LMBRD2: variants seen among roughly 807,000 people sequenced by gnomAD.
LMBRD2 encodes G protein-coupled receptor-associated protein LMBRD2.
Under a neutral mutation model 94.4 loss-of-function variants are expected in LMBRD2, and 55 were observed. That is an observed-to-expected ratio of 0.58 (90% CI 0.47 to 0.73). The LOEUF (loss-of-function observed/expected upper bound fraction) is 0.73, where lower values mean the gene tolerates loss of function less well. LMBRD2 is among the 30% of genes least tolerant of loss of function. The pLI is 0.00. For synonymous variants in LMBRD2, 246 were observed against 272.4 expected, an observed-to-expected ratio of 0.90 and a Z score of 0.95; for missense variants, 640 against 831.9, an observed-to-expected ratio of 0.77 and a Z score of 2.84.
chr5:36,146,541 A>T lies in LMBRD2; in HGVS notation c.-57-3135T>A, dbSNP rs539473246. ...CACACCACCACGCCTGGCTAATTTT[A>T]AAAAAAAATTTTTTTTGTAGAGACA... On this transcript the variant is annotated intron_variant, in intron 1 of 17. Coordinates refer to ENST00000296603, the MANE Select transcript of LMBRD2 (RefSeq NM_001007527.2). Among the ~76,000 whole-genome samples, 1,008 of 151,472 alleles carry T rather than the reference A, an allele frequency of 6.7e-3. 7 individuals are homozygous for T. The highest frequency in any genetic ancestry group is 5.5e-3 in the Non-Finnish European group (371 of 67,908).
rs1239579028 is a variant in LMBRD2, at chr5:36,102,938, C to A, written c.*1108G>T. 4.0e-5 allele frequency: 6 copies of A among 151,790 alleles called. No homozygotes were observed. The highest frequency in any genetic ancestry group is 8.9e-5 in the Non-Finnish European group (6 of 67,778). 9.4% of individuals were successfully genotyped at this position (151,790 alleles called of 1,614,324 possible). ...AGCATGCTGCAATCAAACATGTTCA[C>A]TTTTCAATAAAACACTAGTGCTTTA... On this transcript the variant is annotated 3_prime_UTR_variant, in exon 18 of 18. Transcript: ENST00000296603.
chr5:36,142,716 C>A, intron 2 of LMBRD2, 117 bp from the exon 3 acceptor site: 8 of 393,362 alleles, frequency 2.0e-5, no homozygotes, highest in Non-Finnish European at 3.2e-5. Context: ...ATGCTTTATT[C>A]TTTTTTTTTT....
intron 6 of LMBRD2, among the ~76,000 whole-genome samples, chr5:36,129,130 A>G (rs1744076188): frequency 6.6e-6 from 1 of 152,188 alleles, no homozygotes; most frequent in African/African-American, 2.4e-5. Context: ...TCAAAAGGGC[A>G]AATCTAAGAG....
chr5:36,139,799 G>A (rs1345974944), intron 4 of LMBRD2, among the ~76,000 whole-genome samples: 2 of 152,164 alleles, frequency 1.3e-5, no homozygotes, highest in Non-Finnish European at 1.5e-5. Flanking sequence ...CCTGCCTGCA[G>A]AAAGGAGCTA....
chr5:36,134,318 C>CATTCATTT (rs893553220), intron 6 of LMBRD2, among the ~76,000 whole-genome samples: 1 of 152,066 alleles, frequency 6.6e-6, no homozygotes, highest in Non-Finnish European at 1.5e-5. Context: ...TCACAGTATA[C>CATTCATTT]ATTCATTTAT....
In LMBRD2 at chr5:36,101,494, C is replaced by T. The variant is rs1202165355; in HGVS notation, c.*2552G>A. On this transcript the variant is annotated 3_prime_UTR_variant, in exon 18 of 18. Transcript: ENST00000296603. Reference sequence around the variant, plus strand: ...TGTAAAGTATATGTATTTAGTAGTCCTATTTTGCAGTAGATGTCATTATAT... The same window carrying T: ...TGTAAAGTATATGTATTTAGTAGTCTTATTTTGCAGTAGATGTCATTATAT... 3 of 151,718 alleles carry T rather than the reference C, an allele frequency of 2.0e-5. No individual in the cohort carries two copies. The highest frequency in any genetic ancestry group is 2.4e-5 in the African/African-American group (1 of 41,376). 9.4% of individuals were successfully genotyped at this position (151,718 alleles called of 1,614,324 possible).
chr5:36,144,312 TTTTG>T (rs1445765984), intron 1 of LMBRD2, among the ~76,000 whole-genome samples: 2 of 152,214 alleles, frequency 1.3e-5, no homozygotes, highest in Non-Finnish European at 2.9e-5. Context: ...AATGTTAGAC[TTTTG>T]TTTATCTACA....
intron 13 of LMBRD2, among the ~76,000 whole-genome samples, chr5:36,112,840 A>T (rs915890324): frequency 1.3e-5 from 2 of 152,144 alleles, no homozygotes; most frequent in Admixed American, 1.3e-4. Flanking sequence ...CAAGTTCTTA[A>T]TGTTCCACTT....
At chr5:36,129,594 T>A (rs1744085699) in intron 6 of LMBRD2, among the ~76,000 whole-genome samples, 1 of 152,166 alleles carries the variant, frequency 6.6e-6, no homozygotes, top group Non-Finnish European at 1.5e-5. Flanking sequence ...CCAGTCCTGT[T>A]CTATAAGAAA....
chr5:36,103,809 G>T lies in LMBRD2; in HGVS notation c.*237C>A. The T allele has an allele frequency of 3.2e-6, 1 of 312,378 alleles. No homozygotes were observed. Among genetic ancestry groups the T allele is most frequent in the Non-Finnish European group, 6.0e-6 (1 of 166,792 alleles). 19.4% of individuals were successfully genotyped at this position (312,378 alleles called of 1,614,324 possible). A position where few individuals can be genotyped will look rare whatever the true frequency, so the allele number is the denominator to read the frequency against. ...TTCTTAAAGTCCTTCCACTGTAACT[G>T]TATTTCTAAGGCAGATGCTTAGGAA... On this transcript the variant is annotated 3_prime_UTR_variant, in exon 18 of 18. Coordinates refer to ENST00000296603, the MANE Select transcript of LMBRD2 (RefSeq NM_001007527.2).
intron 6 of LMBRD2, among the ~76,000 whole-genome samples, chr5:36,130,884 G>T (rs747079909): frequency 2.6e-5 from 4 of 152,074 alleles, no homozygotes; most frequent in Non-Finnish European, 5.9e-5. Context: ...GGACCCAATG[G>T]CTTCACTGCT....
chr5:36,120,364 G>T, intron 9 of LMBRD2, among the ~76,000 whole-genome samples: 1 of 152,232 alleles, frequency 6.6e-6, no homozygotes, highest in Non-Finnish European at 1.5e-5. Flanking sequence ...CTGTTCAAGT[G>T]ATTCTCCTGC....
At chr5:36,121,030 C>T (rs1743877957) in intron 9 of LMBRD2, among the ~76,000 whole-genome samples, 1 of 152,112 alleles carries the variant, frequency 6.6e-6, no homozygotes, top group South Asian at 2.1e-4. Flanking sequence ...CCCATGGTTC[C>T]CTACACATTG....
chr5:36,107,766 T>C (rs1162371444), intron 16 of LMBRD2, among the ~76,000 whole-genome samples: 1 of 152,176 alleles, frequency 6.6e-6, no homozygotes, highest in African/African-American at 2.4e-5. Flanking sequence ...CTATTCCTCC[T>C]CCAACAATTG....
intron 16 of LMBRD2, among the ~76,000 whole-genome samples, chr5:36,106,508 CGTTTTT>C (rs1298671677): frequency 5.3e-5 from 7 of 132,868 alleles, no homozygotes; most frequent in Non-Finnish European, 9.5e-5. Flanking sequence ...TTTTTTCTTT[CGTTTTT>C]TTTTTTTTTT....
chr5:36,143,143 T>C (rs1744458083), intron 2 of LMBRD2, 33 bp downstream of exon 2: 2 of 1,470,466 alleles, frequency 1.4e-6, no homozygotes, highest in Non-Finnish European at 1.9e-6. Context: ...AAAATTTGTC[T>C]TTTAAATTGT....
chr5:36,099,470 C>T lies in LMBRD2; in HGVS notation c.*4576G>A, dbSNP rs1369184416. 2 of 152,126 alleles carry T rather than the reference C, an allele frequency of 1.3e-5. No individual in the cohort carries two copies. The highest frequency in any genetic ancestry group is 4.8e-5 in the African/African-American group (2 of 41,436). 9.4% of individuals were successfully genotyped at this position (152,126 alleles called of 1,614,324 possible). ...CTTTTAAAAAATATATACACAGTCT[C>T]TCCCCTACAACTTGGTATGCTAAGT... On this transcript the variant is annotated 3_prime_UTR_variant, in exon 18 of 18. Transcript: ENST00000296603.
chr5:36,148,245 T>TG (rs1392191815), intron 1 of LMBRD2, among the ~76,000 whole-genome samples: 1 of 127,646 alleles, frequency 7.8e-6, no homozygotes. Flanking sequence ...ACTCGAAAAA[T>TG]GAAAAAAAAA....
intron 4 of LMBRD2, among the ~76,000 whole-genome samples, chr5:36,139,812 C>T (rs1744361574): frequency 6.6e-6 from 1 of 152,168 alleles, no homozygotes; most frequent in Admixed American, 6.5e-5. Context: ...AGGAGCTATC[C>T]ACTTTGGGTC....
Sources: gnomAD v4.1 joint callset for allele counts (sites outside exome capture counted in the v4.1 genomes callset) on GRCh38, gnomAD v4.1.1 for gene constraint, MANE v1.5 for transcripts, NCBI Gene and HGNC (gene_info 2026-07-23, HGNC 2026-07-21) for gene names.